Variants in EXOC6B observed in about 807,000 individuals in gnomAD.
EXOC6B encodes exocyst complex component 6B.
Under a neutral mutation model 113.5 loss-of-function variants are expected in EXOC6B, and 54 were observed. The observed-to-expected ratio is 0.48, with a 90% CI of 0.38 to 0.60. EXOC6B has a LOEUF of 0.60. EXOC6B is among the 20% of genes least tolerant of loss of function. The pLI is 0.00. For synonymous variants in EXOC6B, 357 were observed against 339.0 expected, an observed-to-expected ratio of 1.05 and a Z score of -0.58; for missense variants, 797 against 977.5, an observed-to-expected ratio of 0.82 and a Z score of 2.46.
chr2:72,621,956 A>G (rs1030466593), intron 6 of EXOC6B, among the ~76,000 whole-genome samples: 1 of 152,156 alleles, frequency 6.6e-6, no homozygotes, highest in Non-Finnish European at 1.5e-5. Flanking sequence ...CTTGTCAATT[A>G]AAACTAAATT....
chr2:72,539,234 T>A (rs1382655231), intron 8 of EXOC6B, among the ~76,000 whole-genome samples: 1 of 152,178 alleles, frequency 6.6e-6, no homozygotes, highest in East Asian at 1.9e-4. Flanking sequence ...TCTAACATAC[T>A]TCTTCTGCCC....
At chr2:72,452,614 G>A (rs966465330) in intron 18 of EXOC6B, among the ~76,000 whole-genome samples, 2 of 152,122 alleles carry the variant, frequency 1.3e-5, no homozygotes, top group Non-Finnish European at 2.9e-5. Context: ...GTCATTCTGA[G>A]AAGGAAAACC....
At chr2:72,636,007 A>G in intron 6 of EXOC6B, among the ~76,000 whole-genome samples, 1 of 152,172 alleles carries the variant, frequency 6.6e-6, no homozygotes, top group Non-Finnish European at 1.5e-5. Context: ...ACTTGAGGCC[A>G]GAAGTTCAAG....
chr2:72,631,276 G>A (rs1411415254), intron 6 of EXOC6B, among the ~76,000 whole-genome samples: 2 of 151,104 alleles, frequency 1.3e-5, no homozygotes, highest in African/African-American at 2.4e-5. Context: ...ATAAAATAAT[G>A]TAACATTTAA....
chr2:72,179,337 A>C lies in EXOC6B; in HGVS notation c.2434T>G (p.Ter812GlyextTer41). Reference sequence around the variant, plus strand: ...CTCTGTGGGTCCGGGGTCACCCTTCATGAGTGGTGGCTGCTGATGAGTCCT... The same window carrying C: ...CTCTGTGGGTCCGGGGTCACCCTTCCTGAGTGGTGGCTGCTGATGAGTCCT... Reference protein sequence around the residue: ...LRGLISSHHS* With the variant: ...LRGLISSHHSG Residue 812 changes from the stop codon to glycine, a stop_lost, in exon 22 of 22, where the codon TGA (stop) becomes GGA (glycine). Transcript: ENST00000272427. 7 of 1,606,532 alleles carry C rather than the reference A, an allele frequency of 4.4e-6. No individual in the cohort carries two copies. Among genetic ancestry groups the C allele is most frequent in the Non-Finnish European group, 5.1e-6 (6 of 1,176,148 alleles).
chr2:72,625,783 C>A (rs2104227187), intron 6 of EXOC6B, among the ~76,000 whole-genome samples: 2 of 152,292 alleles, frequency 1.3e-5, no homozygotes, highest in East Asian at 3.9e-4. Context: ...TGCTACAAGA[C>A]CACCACAGCG....
At chr2:72,692,527 A>G (rs528114565) in intron 6 of EXOC6B, among the ~76,000 whole-genome samples, 1 of 151,752 alleles carries the variant, frequency 6.6e-6, no homozygotes, top group African/African-American at 2.4e-5. Context: ...AATTTTTTGT[A>G]TTTTTAGAAG....
At chr2:72,610,022 A>G (rs904358168) in intron 6 of EXOC6B, among the ~76,000 whole-genome samples, 1 of 152,172 alleles carries the variant, frequency 6.6e-6, no homozygotes, top group South Asian at 2.1e-4. Context: ...AGCCTTTGAA[A>G]ATAAAGATGG....
chr2:72,624,867 G>T (rs564391979), intron 6 of EXOC6B, among the ~76,000 whole-genome samples: 1 of 152,142 alleles, frequency 6.6e-6, no homozygotes, highest in African/African-American at 2.4e-5. Flanking sequence ...ACCTATAAAA[G>T]AAGAAACAGA....
At chr2:72,578,146 C>T (rs1480947384) in intron 6 of EXOC6B, among the ~76,000 whole-genome samples, 1 of 152,050 alleles carries the variant, frequency 6.6e-6, no homozygotes, top group Non-Finnish European at 1.5e-5. Context: ...GTTCCACCAT[C>T]ACCTCATTTC....
intron 1 of EXOC6B, among the ~76,000 whole-genome samples, chr2:72,743,230 C>T (rs1558966445): frequency 6.6e-6 from 1 of 152,182 alleles, no homozygotes; most frequent in Non-Finnish European, 1.5e-5. Flanking sequence ...AATGCAACAG[C>T]CTCCTGACAG....
In EXOC6B at chr2:72,699,823, C is replaced by T. The variant is rs145932706; in HGVS notation, c.669+18280G>A. The stretch of plus-strand genomic sequence containing the variant: ...AGCCCGCAAAAGTAGGCTAAGACCA[C>T]CATGGTTCAAGATAGCTTTTAATGG... On this transcript the variant is annotated intron_variant, in intron 6 of 21. Transcript: ENST00000272427. 5.1e-3 allele frequency among the ~76,000 whole-genome samples: 775 copies of T among 152,244 alleles called. 4 individuals carry two copies. Among genetic ancestry groups the T allele is most frequent in the Non-Finnish European group, 5.7e-3 (390 of 68,018 alleles).
intron 6 of EXOC6B, among the ~76,000 whole-genome samples, chr2:72,662,302 A>G (rs376840419): frequency 1.3e-5 from 2 of 152,210 alleles, no homozygotes; most frequent in East Asian, 1.9e-4. Context: ...CACCAAAATC[A>G]TGATCCACTT....
At chr2:72,316,967 A>G (rs1461843433) in intron 20 of EXOC6B, among the ~76,000 whole-genome samples, 1 of 152,206 alleles carries the variant, frequency 6.6e-6, no homozygotes, top group East Asian at 1.9e-4. Context: ...AAGCTTACCC[A>G]GCTTTGGGAT....
chr2:72,656,017 A>C (rs372263004), intron 6 of EXOC6B, among the ~76,000 whole-genome samples: 19 of 152,264 alleles, frequency 1.2e-4, no homozygotes, highest in African/African-American at 3.6e-4. Flanking sequence ...AGGTTTTATC[A>C]CTGTTTCTTT....
intron 20 of EXOC6B, among the ~76,000 whole-genome samples, chr2:72,276,093 C>A (rs1484949782): frequency 6.6e-6 from 1 of 152,088 alleles, no homozygotes; most frequent in East Asian, 1.9e-4. Flanking sequence ...AGACACAACA[C>A]CTGACCTCTG....
chr2:72,611,855 A>T (rs1409703166), intron 6 of EXOC6B, among the ~76,000 whole-genome samples: 1 of 152,226 alleles, frequency 6.6e-6, no homozygotes, highest in Non-Finnish European at 1.5e-5. Context: ...TAACAGTTTA[A>T]ATGTAAAAAT....
intron 20 of EXOC6B, among the ~76,000 whole-genome samples, chr2:72,268,510 C>A (rs1008566477): frequency 6.6e-6 from 1 of 152,122 alleles, no homozygotes; most frequent in Non-Finnish European, 1.5e-5. Flanking sequence ...TAGTATGACA[C>A]ATGTACGTAA....
intron 8 of EXOC6B, among the ~76,000 whole-genome samples, chr2:72,538,143 A>G (rs888817990): frequency 2.6e-5 from 4 of 151,952 alleles, no homozygotes; most frequent in Admixed American, 2.0e-4. Context: ...TTTAATTTTT[A>G]GTAGAAATGA....
Sources: gnomAD v4.1 joint callset for allele counts (sites outside exome capture counted in the v4.1 genomes callset) on GRCh38, gnomAD v4.1.1 for gene constraint, MANE v1.5 for transcripts, NCBI Gene and HGNC (gene_info 2026-07-23, HGNC 2026-07-21) for gene names.